RAB30: variants seen among roughly 807,000 people sequenced by gnomAD.
RAB30 encodes the protein RAB30, member RAS oncogene family, also known as ras-related protein Rab-30.
In RAB30, 9 loss-of-function variants were observed where a neutral mutation model predicts 25.1. The observed-to-expected ratio is 0.36, with a 90% CI of 0.22 to 0.63. The LOEUF (loss-of-function observed/expected upper bound fraction) is 0.63, where lower values mean the gene tolerates loss of function less well. Ranked by LOEUF, RAB30 falls within the 20% of genes least tolerant of loss-of-function variation. RAB30 has a pLI of 0.69. For missense variants in RAB30, 140 were observed against 243.5 expected (o/e 0.58, Z 2.83); for synonymous variants, 77 against 86.4 (o/e 0.89, Z 0.60).
chr11:83,013,053 A>G (rs1041959661), intron 1 of RAB30, among the ~76,000 whole-genome samples: 1 of 152,074 alleles, frequency 6.6e-6, no homozygotes, highest in Non-Finnish European at 1.5e-5. Flanking sequence ...GAGTTTCTCC[A>G]TAGACACTTT....
At chr11:83,026,875 G>A (rs1037013325) in intron 1 of RAB30, among the ~76,000 whole-genome samples, 1 of 152,030 alleles carries the variant, frequency 6.6e-6, no homozygotes, top group African/African-American at 2.4e-5. Context: ...TGGAAGCTTG[G>A]GAAGCAGATG....
At chr11:82,997,199 C>G in intron 2 of RAB30, 25 bp downstream of exon 2, 1 of 1,570,060 alleles carries the variant, frequency 6.4e-7, no homozygotes, top group East Asian at 2.2e-5. Flanking sequence ...CCTGGGCTTA[C>G]GAGTTCCCTT....
intron 1 of RAB30, among the ~76,000 whole-genome samples, chr11:83,017,463 G>C (rs1331776841): frequency 6.6e-6 from 1 of 152,046 alleles, no homozygotes; most frequent in Non-Finnish European, 1.5e-5. Context: ...TAATTTCTGA[G>C]ATTTTGGTGC....
chr11:83,013,863 C>A (rs987753291), intron 1 of RAB30, among the ~76,000 whole-genome samples: 1 of 152,202 alleles, frequency 6.6e-6, no homozygotes, highest in African/African-American at 2.4e-5. Context: ...AAACAATGTG[C>A]TAGACACAGA....
intron 1 of RAB30, among the ~76,000 whole-genome samples, chr11:83,015,239 C>T (rs1857410514): frequency 6.6e-6 from 1 of 152,132 alleles, no homozygotes; most frequent in African/African-American, 2.4e-5. Flanking sequence ...TAGGAGGCTA[C>T]TGCAAATAGT....
chr11:83,067,103 G>A (rs145276784), intron 1 of RAB30, among the ~76,000 whole-genome samples: 1,732 of 152,020 alleles, frequency 0.011, 20 homozygotes, highest in African/African-American at 0.033. Flanking sequence ...GATGCCTCCC[G>A]CACCCATCAC....
intron 1 of RAB30, among the ~76,000 whole-genome samples, chr11:83,039,663 A>G (rs1257111904): frequency 1.3e-5 from 2 of 151,780 alleles, no homozygotes; most frequent in Non-Finnish European, 3.0e-5. Context: ...TGGGGAAGTC[A>G]AAATTCTTGG....
rs529296633 is a variant in RAB30 at position 82,987,826 on chromosome 11, GA to G, written c.178-57del. ...AGAAGGATCAGGTTGGAGAAAAAAA[GA>G]AAAAAAAAGCTTTGCCTTGCTTTGG... is the stretch of plus-strand genomic sequence containing the variant. On this transcript the variant is annotated intron_variant, in intron 3 of 4. Coordinates refer to ENST00000527633, the MANE Select transcript of RAB30 (RefSeq NM_001286060.2). 61 of 961,212 alleles carry G rather than the reference GA, an allele frequency of 6.3e-5. No homozygotes were observed. In the East Asian group the frequency reaches 1.0e-3, roughly 16 times the overall value. The allele number at this position is 961,212 out of a possible 1,614,324, so 59.5% of individuals were successfully genotyped here.
chr11:83,026,413 G>C (rs970735601), intron 1 of RAB30, among the ~76,000 whole-genome samples: 1 of 152,214 alleles, frequency 6.6e-6, no homozygotes, highest in Non-Finnish European at 1.5e-5. Flanking sequence ...TTGGTGATGA[G>C]TGAATTCTGG....
Position 83,071,835 on chromosome 11 carries a change from A to G in RAB30, c.-153T>C. On this transcript the variant is annotated 5_prime_UTR_variant, in exon 1 of 5. Coordinates refer to ENST00000527633, the MANE Select transcript of RAB30 (RefSeq NM_001286060.2). ...CTGGTGCTGCTGCTACACTTAGCTC[A>G]GCTGGAGCGAGCGGCAATCGCAAGC... The G allele has an allele frequency of 2.8e-6, 1 of 357,048 alleles. No individual in the cohort carries two copies. Among genetic ancestry groups the G allele is most frequent in the Non-Finnish European group, 5.0e-6 (1 of 200,520 alleles). The allele number at this position is 357,048 out of a possible 1,614,324, so 22.1% of individuals were successfully genotyped here.
chr11:82,986,911 C>T (rs1248841832), intron 4 of RAB30: 4 of 152,174 alleles, frequency 2.6e-5, no homozygotes, highest in Non-Finnish European at 4.4e-5. Context: ...TATTGCTAGA[C>T]TATATAGGAA....
Position 83,064,540 on chromosome 11 carries a change from C to G in RAB30, c.-9+7151G>C, listed in dbSNP as rs189603119. Among the ~76,000 whole-genome samples the G allele has an allele frequency of 2.1e-4, 32 of 152,304 alleles. No individual in the cohort carries two copies. In the East Asian group the frequency reaches 6.2e-3, roughly 29 times the overall value. On this transcript the variant is annotated intron_variant, in intron 1 of 4. Coordinates refer to ENST00000527633, the MANE Select transcript of RAB30 (RefSeq NM_001286060.2). ...AGTAATGTCACACATAGAGTGCCAG[C>G]TGTAGAAGTTTCCAGTCACAGAATA...
intron 1 of RAB30, among the ~76,000 whole-genome samples, chr11:83,027,374 T>G (rs1019436534): frequency 2.0e-5 from 3 of 151,910 alleles, no homozygotes; most frequent in African/African-American, 4.8e-5. Context: ...GAAGGTAGAG[T>G]GCAAAGGTTC....
At chr11:83,004,868 T>G (rs1420833450) in intron 1 of RAB30, among the ~76,000 whole-genome samples, 2 of 152,132 alleles carry the variant, frequency 1.3e-5, no homozygotes, top group Admixed American at 1.3e-4. Flanking sequence ...TCATCCATCT[T>G]TCCGCCTAAC....
At position 83,071,777 on chromosome 11, in the gene RAB30, TCCTGAGTCCAAGGGCTGGAGTCAGTC is replaced by T. The variant is rs1175430582; in HGVS notation, c.-121_-96del. Reference sequence around the variant, plus strand: ...CGCACGCAAGGGAAGGTCTGCGATGTCCTGAGTCCAAGGGCTGGAGTCAGTCCCTGCCCTGGTGCTGCTGCTACACT... The same window carrying T: ...CGCACGCAAGGGAAGGTCTGCGATGTCCTGCCCTGGTGCTGCTGCTACACT... On this transcript the variant is annotated 5_prime_UTR_variant, in exon 1 of 5. Transcript: ENST00000527633. 6.7e-6 allele frequency: 2 copies of T among 297,548 alleles called. No homozygotes were observed. Among genetic ancestry groups the T allele is most frequent in the Non-Finnish European group, 1.2e-5 (2 of 162,462 alleles). The allele number at this position is 297,548 out of a possible 1,614,324, so 18.4% of individuals were successfully genotyped here. A position where few individuals can be genotyped will look rare whatever the true frequency, so the allele number is the denominator to read the frequency against.
chr11:82,993,205 C>T (rs1474029291), intron 3 of RAB30, among the ~76,000 whole-genome samples: 1 of 152,190 alleles, frequency 6.6e-6, no homozygotes, highest in Non-Finnish European at 1.5e-5. Context: ...GTGTGCCTTT[C>T]TTCCCTTCTT....
chr11:83,066,140 G>T (rs1279792151), intron 1 of RAB30, among the ~76,000 whole-genome samples: 4 of 152,188 alleles, frequency 2.6e-5, no homozygotes, highest in African/African-American at 9.7e-5. Context: ...CTTATTTGGA[G>T]ATGGATCACA....
Position 83,061,183 on chromosome 11 carries a change from G to A in RAB30, c.-9+10508C>T, listed in dbSNP as rs531904878. ...GACTTCTCAACCTCCATAATCACACGAGCCTATCGCCCTAACAAATCTCTT... is the reference window on the plus strand; with the variant it reads ...GACTTCTCAACCTCCATAATCACACAAGCCTATCGCCCTAACAAATCTCTT... On this transcript the variant is annotated intron_variant, in intron 1 of 4. Coordinates refer to ENST00000527633, the MANE Select transcript of RAB30 (RefSeq NM_001286060.2). 1.5e-4 allele frequency among the ~76,000 whole-genome samples: 23 copies of A among 152,110 alleles called. No homozygotes were observed. The South Asian group carries it at 2.9e-3, about 19-fold the overall frequency.
intron 1 of RAB30, among the ~76,000 whole-genome samples, chr11:83,065,882 G>A (rs142951943): frequency 2.9e-4 from 44 of 152,210 alleles, no homozygotes; most frequent in African/African-American, 9.9e-4. Context: ...GGACACACGC[G>A]TATGATACAA....
Sources: allele counts gnomAD v4.1 joint callset (sites outside exome capture counted in the v4.1 genomes callset), GRCh38; gene constraint gnomAD v4.1.1; transcripts MANE v1.5; gene names NCBI Gene and HGNC (gene_info 2026-07-23, HGNC 2026-07-21).